UNC5A: variants seen among roughly 807,000 people sequenced by gnomAD.
The protein encoded by UNC5A is netrin receptor UNC5A.
UNC5A carries 20 observed loss-of-function variants against 87.4 expected under a neutral mutation model. The ratio of observed to expected loss-of-function variants is 0.23; its 90% confidence interval spans 0.16 to 0.33. UNC5A has a LOEUF of 0.33. Among genes scored for constraint, UNC5A ranks in the 10% least tolerant of loss-of-function variants. UNC5A has a pLI of 1.00. For synonymous variants in UNC5A, 438 were observed against 482.3 expected (o/e 0.91, Z 1.20); for missense variants, 844 against 1,133.4 (o/e 0.74, Z 3.67).
chr5:176,813,263 A>G (rs1190089903), intron 1 of UNC5A, among the ~76,000 whole-genome samples: 1 of 152,170 alleles, frequency 6.6e-6, no homozygotes, highest in Non-Finnish European at 1.5e-5. Flanking sequence ...CTTGAGCAGG[A>G]GGGACTTGGG....
intron 1 of UNC5A, among the ~76,000 whole-genome samples, chr5:176,816,382 C>A (rs1756588832): frequency 6.6e-6 from 1 of 152,262 alleles, no homozygotes; most frequent in African/African-American, 2.4e-5. Context: ...AGAAACAGGC[C>A]TTCTCAGGGC....
At chr5:176,845,897 C>T (rs1757391508) in intron 1 of UNC5A, among the ~76,000 whole-genome samples, 1 of 152,208 alleles carries the variant, frequency 6.6e-6, no homozygotes. Flanking sequence ...AGATGCAAAG[C>T]CCCTGAAGCA....
At chr5:176,815,585 G>A (rs1464853821) in intron 1 of UNC5A, among the ~76,000 whole-genome samples, 4 of 152,352 alleles carry the variant, frequency 2.6e-5, no homozygotes, top group South Asian at 4.1e-4. Context: ...GGGCACTCAG[G>A]GTGAACCCCG....
At chr5:176,826,455 C>T (rs1203307452) in intron 1 of UNC5A, among the ~76,000 whole-genome samples, 1 of 152,164 alleles carries the variant, frequency 6.6e-6, no homozygotes, top group African/African-American at 2.4e-5. Flanking sequence ...TTAGTCCAAC[C>T]GATGAAGTTG....
chr5:176,831,666 G>A (rs1279986145), intron 1 of UNC5A, among the ~76,000 whole-genome samples: 1 of 152,052 alleles, frequency 6.6e-6, no homozygotes, highest in African/African-American at 2.4e-5. Flanking sequence ...TAAGCACAGT[G>A]ACCTCACACC....
intron 1 of UNC5A, among the ~76,000 whole-genome samples, chr5:176,812,559 G>A (rs752902385): frequency 6.6e-6 from 1 of 152,202 alleles, no homozygotes; most frequent in Non-Finnish European, 1.5e-5. Flanking sequence ...CAGATAAGGG[G>A]GCACAGGTAC....
rs763284885 is a variant in UNC5A at position 176,874,339 on chromosome 5, G to A, written c.1151G>A (p.Arg384Gln). The A allele has an allele frequency of 2.9e-5, 47 of 1,613,200 alleles. No individual in the cohort carries two copies. Among genetic ancestry groups the A allele is most frequent in the South Asian group, 5.5e-5 (5 of 90,976 alleles). Residue 384 changes from arginine to glutamine, a missense_variant, in exon 8 of 15, where the codon CGG becomes CAG. Around this residue, in one of 3 missense-constraint regions of UNC5A, gnomAD observed 353 missense variants for 387.5 expected, o/e 0.91. Coordinates refer to ENST00000329542, the MANE Select transcript of UNC5A (RefSeq NM_133369.3). The surrounding 1 kb of genome is among the most constrained non-coding windows in gnomAD (Gnocchi z 7.6). Reference protein sequence around the residue: ...TTTYQGSLCPRQDGPSPKFQL... With the variant: ...TTTYQGSLCPQQDGPSPKFQL... ...ACCTACCAGGGCAGTCTCTGTCCCC[G>A]GCAGGATGGGCCCAGCCCCAAGTTC...
chr5:176,855,985 G>A (rs1249964016), intron 1 of UNC5A, among the ~76,000 whole-genome samples: 2 of 152,152 alleles, frequency 1.3e-5, no homozygotes, highest in East Asian at 1.9e-4. Context: ...GACGGCGCCC[G>A]CCACCAGGCC....
intron 1 of UNC5A, among the ~76,000 whole-genome samples, chr5:176,819,179 G>A (rs1581242082): frequency 6.6e-6 from 1 of 152,096 alleles, no homozygotes; most frequent in African/African-American, 2.4e-5. Flanking sequence ...CTCCTCATGA[G>A]CATTGCCCCA....
intron 1 of UNC5A, among the ~76,000 whole-genome samples, chr5:176,813,399 C>T (rs1467557573): frequency 6.6e-6 from 1 of 152,226 alleles, no homozygotes; most frequent in African/African-American, 2.4e-5. Context: ...TTAGGGCTAA[C>T]CTAGGACTCG....
chr5:176,863,099 C>T (rs1757882321), intron 2 of UNC5A, among the ~76,000 whole-genome samples: 1 of 152,360 alleles, frequency 6.6e-6, no homozygotes, highest in South Asian at 2.1e-4. Flanking sequence ...GGCATTCACT[C>T]ACACCTGTGA....
At chr5:176,811,478 T>G (rs1026996142) in intron 1 of UNC5A, among the ~76,000 whole-genome samples, 2 of 152,158 alleles carry the variant, frequency 1.3e-5, no homozygotes, top group Non-Finnish European at 2.9e-5. Context: ...GGGCCAGAGT[T>G]GTGTGTGGTT....
chr5:176,821,505 C>T (rs547433021), intron 1 of UNC5A, among the ~76,000 whole-genome samples: 7 of 152,190 alleles, frequency 4.6e-5, no homozygotes, highest in African/African-American at 1.2e-4. Flanking sequence ...AATGCCAGGA[C>T]GCCTTGAGAG....
At chr5:176,850,499 G>T (rs1033727000) in intron 1 of UNC5A, among the ~76,000 whole-genome samples, 2 of 151,964 alleles carry the variant, frequency 1.3e-5, no homozygotes, top group African/African-American at 4.8e-5. Context: ...GGAGGTGGGG[G>T]CCCTGCTGAC....
intron 13 of UNC5A, 92 bp downstream of exon 13, chr5:176,878,731 C>T: frequency 1.4e-6 from 2 of 1,480,100 alleles, no homozygotes; most frequent in Non-Finnish European, 1.8e-6. Flanking sequence ...CCTGCCCTGC[C>T]ACCCACTCTC....
intron 1 of UNC5A, among the ~76,000 whole-genome samples, chr5:176,857,924 G>T (rs1757706066): frequency 6.6e-6 from 1 of 152,234 alleles, no homozygotes; most frequent in Non-Finnish European, 1.5e-5. Flanking sequence ...GGAAACTAGG[G>T]ATGAGTGGGG....
chr5:176,834,667 C>CTCTA (rs1282086737), intron 1 of UNC5A, among the ~76,000 whole-genome samples: 5 of 127,476 alleles, frequency 3.9e-5, no homozygotes, highest in Admixed American at 7.6e-5. Flanking sequence ...GTCCCGTCTT[C>CTCTA]TCTCTCTCTC....
intron 13 of UNC5A, 134 bp from the exon 14 acceptor site, chr5:176,879,176 G>C (rs1006925817): frequency 5.5e-6 from 6 of 1,090,454 alleles, no homozygotes; most frequent in Non-Finnish European, 7.8e-6. Flanking sequence ...GCACATGGGA[G>C]GTGCCCAGGA....
chr5:176,859,008 C>T (rs1179109169), intron 1 of UNC5A, among the ~76,000 whole-genome samples: 1 of 152,238 alleles, frequency 6.6e-6, no homozygotes, highest in African/African-American at 2.4e-5. Context: ...CCAGCCCTGA[C>T]TGCCCAGGAA....
Sources: allele counts gnomAD v4.1 joint callset (sites outside exome capture counted in the v4.1 genomes callset), GRCh38; gene constraint gnomAD v4.1.1; regional missense constraint gnomAD v4.1.1; non-coding constraint Gnocchi (gnomAD v3.1); transcripts MANE v1.5; gene names NCBI Gene and HGNC (gene_info 2026-07-23, HGNC 2026-07-21).